The following PPP1R1C variants were observed in gnomAD, a reference collection of about 807,000 sequenced individuals.
PPP1R1C encodes the protein protein phosphatase 1 regulatory inhibitor subunit 1C.
A neutral mutation model predicts 17.4 loss-of-function variants in PPP1R1C; 15 were observed. The observed-to-expected ratio is 0.86, with a 90% confidence interval of 0.58 to 1.33. The LOEUF is 1.33. PPP1R1C is among the 40% of genes most tolerant of loss of function. The pLI, the probability that PPP1R1C is intolerant of heterozygous loss-of-function variation, is 0.00. For synonymous variants in PPP1R1C, 35 were observed against 43.1 expected (o/e 0.81, Z 0.73); for missense variants, 143 against 130.0 (o/e 1.10, Z -0.48).
chr2:182,051,028 A>G (rs895581806), intron 2 of PPP1R1C, among the ~76,000 whole-genome samples: 3 of 152,240 alleles, frequency 2.0e-5, no homozygotes, highest in Non-Finnish European at 4.4e-5. Flanking sequence ...ATGCAGCGAG[A>G]TACACAGGCT....
At chr2:182,087,539 C>G (rs1352311836) in intron 4 of PPP1R1C, among the ~76,000 whole-genome samples, 2 of 152,182 alleles carry the variant, frequency 1.3e-5, no homozygotes, top group Non-Finnish European at 2.9e-5. Context: ...TCCATAAGGT[C>G]AGGAATTTTT....
intron 1 of PPP1R1C, among the ~76,000 whole-genome samples, chr2:181,965,087 A>G (rs995247212): frequency 6.6e-6 from 1 of 151,504 alleles, no homozygotes; most frequent in African/African-American, 2.5e-5. Flanking sequence ...TTTGCCATTT[A>G]TATATCTTCT....
At chr2:182,067,588 G>A (rs142539394) in intron 4 of PPP1R1C, among the ~76,000 whole-genome samples, 1 of 152,054 alleles carries the variant, frequency 6.6e-6, no homozygotes, top group Non-Finnish European at 1.5e-5. Context: ...GGACTTTGGC[G>A]GACAAGCCAT....
chr2:182,023,716 G>A (rs1686504307), intron 2 of PPP1R1C: 1 of 152,008 alleles, frequency 6.6e-6, no homozygotes, highest in African/African-American at 2.4e-5. Flanking sequence ...GGTCTCCTGG[G>A]CTAAAGCAAT....
At chr2:182,032,368 T>C (rs1361859349) in intron 2 of PPP1R1C, among the ~76,000 whole-genome samples, 1 of 152,202 alleles carries the variant, frequency 6.6e-6, no homozygotes, top group African/African-American at 2.4e-5. Context: ...GCAAACCCAT[T>C]ACTCTGCACT....
Position 182,084,998 on chromosome 2 carries a change from A to C in PPP1R1C, c.241+21207A>C, listed in dbSNP as rs537165258. On this transcript the variant is annotated intron_variant, in intron 4 of 4. Coordinates refer to ENST00000682840, the MANE Select transcript of PPP1R1C (RefSeq NM_001080545.3). Reference sequence around the variant, plus strand: ...GGTTAAGTATATTCCTAGGTATTTTATTTTATTTTTTGGCAGCTATTGTTA... The same window carrying C: ...GGTTAAGTATATTCCTAGGTATTTTCTTTTATTTTTTGGCAGCTATTGTTA... Among the ~76,000 whole-genome samples the C allele has an allele frequency of 2.0e-5, 3 of 151,784 alleles. No homozygotes were observed. In the East Asian group the frequency reaches 5.8e-4, roughly 29 times the overall value.
chr2:182,069,815 G>C (rs1369408997), intron 4 of PPP1R1C, among the ~76,000 whole-genome samples: 2 of 152,154 alleles, frequency 1.3e-5, no homozygotes, highest in Non-Finnish European at 2.9e-5. Flanking sequence ...CAGGGAAAAA[G>C]ATAAACTTTT....
At chr2:181,984,500 T>C (rs1266418414), upstream of PPP1R1C, among the ~76,000 whole-genome samples, 1 of 152,218 alleles carries the variant, frequency 6.6e-6, no homozygotes, top group African/African-American at 2.4e-5. Context: ...AATTTATAAA[T>C]TTCCCTTCGA....
intron 2 of PPP1R1C, among the ~76,000 whole-genome samples, chr2:182,057,117 T>G (rs1360424396): frequency 6.6e-6 from 1 of 152,188 alleles, no homozygotes; most frequent in Non-Finnish European, 1.5e-5. Flanking sequence ...TTATGAAACA[T>G]AGGCATTAAG....
At chr2:182,091,917 T>C (rs903898813) in intron 4 of PPP1R1C, among the ~76,000 whole-genome samples, 3 of 152,192 alleles carry the variant, frequency 2.0e-5, no homozygotes, top group Non-Finnish European at 2.9e-5. Flanking sequence ...CAGATCTTTG[T>C]CTTTTGTTCT....
At position 181,976,870 on chromosome 2, in the gene PPP1R1C, G is replaced by C. The variant is rs1559042887; in HGVS notation, n.157+1606G>C. Among the ~76,000 whole-genome samples the C allele has an allele frequency of 6.6e-6, 1 of 151,992 alleles. No individual in the cohort carries two copies. Among genetic ancestry groups the C allele is most frequent in the Non-Finnish European group, 1.5e-5 (1 of 67,988 alleles). On this transcript the variant is annotated intron_variant and non_coding_transcript_variant, in intron 2 of 5. Transcript: ENST00000464264. This position sits in a 1 kb window ranked among gnomAD's most constrained non-coding sequence, Gnocchi z 4.8. ...CCTAAATTATGGGCCAGGCACAATG[G>C]CTTATGCCTGTAATCCCAGCACTTT... is the stretch of plus-strand genomic sequence containing the variant.
intron 2 of PPP1R1C, among the ~76,000 whole-genome samples, chr2:182,014,084 TG>T (rs1330219646): frequency 6.6e-6 from 1 of 152,186 alleles, no homozygotes; most frequent in Non-Finnish European, 1.5e-5. Flanking sequence ...TGGATGGTCT[TG>T]ATGTTTGTTC....
chr2:182,082,181 C>T (rs561333686), intron 4 of PPP1R1C, among the ~76,000 whole-genome samples: 3 of 152,238 alleles, frequency 2.0e-5, no homozygotes, highest in South Asian at 2.1e-4. Flanking sequence ...TAGGAATTCT[C>T]ACTTCACCCA....
At chr2:182,109,797 C>T (rs185362130) in intron 4 of PPP1R1C, among the ~76,000 whole-genome samples, 16 of 152,240 alleles carry the variant, frequency 1.1e-4, no homozygotes, top group East Asian at 1.9e-4. Flanking sequence ...CTCCAGAGGT[C>T]CCTTCAAGTT....
rs1361491702 is a variant in PPP1R1C at position 181,957,538 on chromosome 2, T to C, written n.111+2904T>C. ...CATAACAGACATTCATTCCATTGTT[T>C]ATACGTAAAATTACTAAATATTAGT... On this transcript the variant is annotated intron_variant and non_coding_transcript_variant, in intron 1 of 5. Transcript: ENST00000464264. The surrounding 1 kb of genome is among the most constrained non-coding windows in gnomAD (Gnocchi z 4.2). Among the ~76,000 whole-genome samples the C allele has an allele frequency of 1.3e-5, 2 of 152,214 alleles. No individual in the cohort carries two copies. The highest frequency in any genetic ancestry group is 2.9e-5 in the Non-Finnish European group (2 of 68,038).
At chr2:181,959,739 G>A (rs998599153) in intron 1 of PPP1R1C, among the ~76,000 whole-genome samples, 12 of 152,284 alleles carry the variant, frequency 7.9e-5, no homozygotes, top group Admixed American at 7.8e-4. Context: ...TGAGAGAGAG[G>A]TAGCTGTCTG....
At chr2:182,006,876 T>C (rs1292451530) in intron 2 of PPP1R1C, among the ~76,000 whole-genome samples, 1 of 152,208 alleles carries the variant, frequency 6.6e-6, no homozygotes, top group African/African-American at 2.4e-5. Context: ...TTATTGCTTG[T>C]TGATAGCTTT....
chr2:181,985,506 G>A (rs1454817840), upstream of PPP1R1C, among the ~76,000 whole-genome samples: 1 of 152,174 alleles, frequency 6.6e-6, no homozygotes, highest in African/African-American at 2.4e-5. The surrounding 1 kb of genome is among the most constrained non-coding windows in gnomAD (Gnocchi z 4.1). Context: ...TGATATTATT[G>A]GTTGTGGCTT....
intron 2 of PPP1R1C, among the ~76,000 whole-genome samples, chr2:182,016,212 T>A (rs1025581381): frequency 7.9e-5 from 12 of 152,140 alleles, no homozygotes; most frequent in African/African-American, 2.9e-4. Context: ...AGCACACAGA[T>A]TCTCTCTCCC....
Sources: allele counts gnomAD v4.1 joint callset (sites outside exome capture counted in the v4.1 genomes callset), GRCh38; gene constraint gnomAD v4.1.1; non-coding constraint Gnocchi (gnomAD v3.1); transcripts MANE v1.5; gene names NCBI Gene and HGNC (gene_info 2026-07-23, HGNC 2026-07-21).